Variants in CLDN16 observed in about 807,000 individuals in gnomAD.
CLDN16 encodes claudin 16.
CLDN16 carries 13 observed loss-of-function variants against 24.6 expected under a neutral mutation model. The ratio of observed to expected loss-of-function variants is 0.53; its 90% CI spans 0.34 to 0.84. The LOEUF (loss-of-function observed/expected upper bound fraction) is 0.84. Among genes scored for constraint, CLDN16 ranks in the 40% least tolerant of loss-of-function variants. CLDN16 has a pLI of 0.01. For missense variants in CLDN16, 298 were observed against 292.7 expected (o/e 1.02, Z -0.13); for synonymous variants, 116 against 106.7 (o/e 1.09, Z -0.54).
chr3:190,398,300 A>G (rs1718870858), intron 1 of CLDN16, among the ~76,000 whole-genome samples: 1 of 152,242 alleles, frequency 6.6e-6, no homozygotes, highest in Non-Finnish European at 1.5e-5. Context: ...CTGGAAGCTT[A>G]TAATCAAGAA....
chr3:190,339,299 C>T (rs2108628293), intron 1 of CLDN16, among the ~76,000 whole-genome samples: 1 of 152,298 alleles, frequency 6.6e-6, no homozygotes, highest in South Asian at 2.1e-4. Context: ...TTACATGTGG[C>T]AATGGCTGGG....
At chr3:190,300,229 G>T in the CLDN16 span, among the ~76,000 whole-genome samples, 1 of 152,162 alleles carries the variant, frequency 6.6e-6, no homozygotes, top group East Asian at 1.9e-4. Context: ...CAACTTTCTA[G>T]TTAAAGCCAC....
chr3:190,297,602 A>T, the CLDN16 span, among the ~76,000 whole-genome samples: 2 of 136,134 alleles, frequency 1.5e-5, no homozygotes, highest in African/African-American at 5.4e-5. Flanking sequence ...TATATAATAT[A>T]TATCTATAAT....
chr3:190,357,820 CG>C (rs1717808881), intron 1 of CLDN16, among the ~76,000 whole-genome samples: 2 of 151,906 alleles, frequency 1.3e-5, no homozygotes, highest in African/African-American at 4.8e-5. Context: ...GGGTCTGTAT[CG>C]GTTACATTTT....
intron 1 of CLDN16, among the ~76,000 whole-genome samples, chr3:190,345,152 G>T (rs961484012): frequency 2.6e-5 from 4 of 152,138 alleles, no homozygotes; most frequent in Non-Finnish European, 5.9e-5. Flanking sequence ...TTAAGTTCCT[G>T]GTTCTTGTTG....
chr3:190,394,848 C>A (rs1230245272), intron 1 of CLDN16, among the ~76,000 whole-genome samples: 2 of 151,944 alleles, frequency 1.3e-5, no homozygotes, highest in African/African-American at 4.8e-5. Context: ...TAAATATTTT[C>A]AGGATATGTA....
chr3:190,314,494 A>C, the CLDN16 span, among the ~76,000 whole-genome samples: 25 of 152,122 alleles, frequency 1.6e-4, no homozygotes, highest in African/African-American at 5.5e-4. Flanking sequence ...TCTGGGGCTC[A>C]AGCGATTCTC....
the CLDN16 span, among the ~76,000 whole-genome samples, chr3:190,304,123 A>AT: frequency 1.3e-5 from 2 of 152,104 alleles, no homozygotes. Flanking sequence ...GATTCCTTTG[A>AT]TTTGGGTGAG....
At chr3:190,350,344 TTATATATA>T (rs10563626) in intron 1 of CLDN16, among the ~76,000 whole-genome samples, 16 of 142,032 alleles carry the variant, frequency 1.1e-4, no homozygotes, top group African/African-American at 3.9e-4. Context: ...GTTCATAATG[TTATATATA>T]TATATATATA....
rs115480422 is a variant in CLDN16 at position 190,336,450 on chromosome 3, G to A, written n.121+13789G>A. 3.0e-3 allele frequency among the ~76,000 whole-genome samples: 454 copies of A among 152,252 alleles called. 5 individuals are homozygous for A. Among genetic ancestry groups the A allele is most frequent in the African/African-American group, 0.01 (422 of 41,540 alleles). The stretch of plus-strand genomic sequence containing the variant: ...AAAGGGCAAAGTTATGGCATCTTTT[G>A]TATACTACCATTAAAAAAGAAGTAA... On this transcript the variant is annotated intron_variant and non_coding_transcript_variant, in intron 1 of 4. Transcript: ENST00000468220.
intron 1 of CLDN16, among the ~76,000 whole-genome samples, chr3:190,336,794 T>C (rs945123164): frequency 6.6e-6 from 1 of 152,152 alleles, no homozygotes; most frequent in African/African-American, 2.4e-5. Flanking sequence ...CATCAAGACA[T>C]GAGACAAAAG....
intron 1 of CLDN16, among the ~76,000 whole-genome samples, chr3:190,325,106 G>A (rs77364009): frequency 0.01 from 1,578 of 152,258 alleles, 37 homozygotes; most frequent in Non-Finnish European, 0.01. Flanking sequence ...ATGACAGCTG[G>A]CACTTGTTGC....
intron 1 of CLDN16, among the ~76,000 whole-genome samples, chr3:190,336,326 G>C (rs1250148879): frequency 6.6e-6 from 1 of 152,178 alleles, no homozygotes; most frequent in Non-Finnish European, 1.5e-5. Flanking sequence ...GTGCTTCAGA[G>C]AGTGGGAGTT....
At chr3:190,402,255 C>G (rs770455397) in intron 1 of CLDN16, 82 bp from the exon 2 acceptor site, 1 of 1,058,520 alleles carries the variant, frequency 9.4e-7, no homozygotes, top group Non-Finnish European at 1.5e-6. Flanking sequence ...TCAAACACAA[C>G]CACCAACTTC....
chr3:190,322,244 G>A, upstream of CLDN16: 1 of 1,588,484 alleles, frequency 6.3e-7, no homozygotes, highest in African/African-American at 1.3e-5. Context: ...AGGGGTGGCA[G>A]GTGCAGAAGG....
intron 3 of CLDN16, among the ~76,000 whole-genome samples, chr3:190,379,971 C>CTCTATCTATTTATCTA (rs1553806897): frequency 1.4e-5 from 1 of 70,054 alleles, no homozygotes; most frequent in African/African-American, 6.3e-5. Context: ...TGTCTATCAA[C>CTCTATCTATTTATCTA]TCTGTCTATC....
Position 190,390,966 on chromosome 3 carries a change from T to C in CLDN16, c.114+2523T>C, listed in dbSNP as rs370307652. On this transcript the variant is annotated intron_variant, in intron 1 of 4. Transcript: ENST00000264734. ...ACAACTGGCTAATTTTAAAAATTTT[T>C]TGTAAGAACAAGGACTTTCTCTGTT... is the stretch of plus-strand genomic sequence containing the variant. Among the ~76,000 whole-genome samples the C allele has an allele frequency of 4.6e-5, 7 of 152,036 alleles. No individual in the cohort carries two copies. The East Asian group carries it at 1.4e-3, about 29-fold the overall frequency.
chr3:190,296,159 T>C, the CLDN16 span, among the ~76,000 whole-genome samples: 1 of 152,248 alleles, frequency 6.6e-6, no homozygotes, highest in Non-Finnish European at 1.5e-5. Flanking sequence ...TTCTAAACAT[T>C]TGTGATACAA....
At chr3:190,385,549 C>T (rs369464269), upstream of CLDN16, among the ~76,000 whole-genome samples, 15 of 146,274 alleles carry the variant, frequency 1.0e-4, no homozygotes, top group African/African-American at 3.6e-4. Flanking sequence ...CCATTAGGAG[C>T]GAATGAATGC....
Sources: allele counts gnomAD v4.1 joint callset (sites outside exome capture counted in the v4.1 genomes callset), GRCh38; gene constraint gnomAD v4.1.1; transcripts MANE v1.5; gene names NCBI Gene and HGNC (gene_info 2026-07-23, HGNC 2026-07-21).